IL1RAP: variants seen among roughly 807,000 people sequenced by gnomAD.
The protein encoded by IL1RAP is interleukin 1 receptor accessory protein.
IL1RAP carries 35 observed loss-of-function variants against 60.7 expected under a neutral mutation model. The observed-to-expected ratio is 0.58, with a 90% CI of 0.44 to 0.76. The LOEUF (loss-of-function observed/expected upper bound fraction) is 0.76. IL1RAP is among the 30% of genes least tolerant of loss of function. The pLI, the probability that IL1RAP is intolerant of heterozygous loss-of-function variation, is 0.00. For missense variants in IL1RAP, 572 were observed against 693.9 expected, an observed-to-expected ratio of 0.82 and a Z score of 1.97; for synonymous variants, 268 against 250.9, an observed-to-expected ratio of 1.07 and a Z score of -0.64.
In IL1RAP at chr3:190,542,344, G is replaced by A. The variant is rs147936130; in HGVS notation, c.-88-13786G>A. ...AATGAAGCTTTGCTATTTGATTGTCGTGATAGCTTGAGTTAGACACTTCAC... is the reference window on the plus strand; with the variant it reads ...AATGAAGCTTTGCTATTTGATTGTCATGATAGCTTGAGTTAGACACTTCAC... On this transcript the variant is annotated intron_variant, in intron 1 of 11. Transcript: ENST00000447382. Among the ~76,000 whole-genome samples, 32 of 152,232 alleles carry A rather than the reference G, an allele frequency of 2.1e-4. No homozygotes were observed. In the East Asian group the frequency reaches 5.4e-3, roughly 26 times the overall value.
At chr3:190,597,418 C>CAAG (rs1484105938) in intron 3 of IL1RAP, among the ~76,000 whole-genome samples, 1 of 152,172 alleles carries the variant, frequency 6.6e-6, no homozygotes, top group Non-Finnish European at 1.5e-5. Context: ...ATGTCACAGC[C>CAAG]GCTTGAAAGT....
chr3:190,559,091 T>A (rs780342848), intron 2 of IL1RAP, among the ~76,000 whole-genome samples: 6 of 152,292 alleles, frequency 3.9e-5, no homozygotes, highest in Non-Finnish European at 7.4e-5. Flanking sequence ...ATTCAGGTCG[T>A]CTGTTTCATC....
In IL1RAP at chr3:190,588,396, G is replaced by A. The variant is rs779806889; in HGVS notation, c.65-15732G>A. ...CAAAGTGCTGGGATTACAGGCGTGA[G>A]CCACCATGCCCGGCCTACATCTTTC... On this transcript the variant is annotated intron_variant, in intron 3 of 11. Coordinates refer to ENST00000447382, the MANE Select transcript of IL1RAP (RefSeq NM_002182.4). Among the ~76,000 whole-genome samples, 5 of 152,348 alleles carry A rather than the reference G, an allele frequency of 3.3e-5. No homozygotes were observed. In the East Asian group the frequency reaches 9.7e-4, roughly 29 times the overall value.
chr3:190,632,600 A>G (rs1345542566), intron 9 of IL1RAP, among the ~76,000 whole-genome samples: 4 of 152,216 alleles, frequency 2.6e-5, no homozygotes, highest in Non-Finnish European at 5.9e-5. Context: ...CTTTGATGGC[A>G]TTTATTGTAT....
intron 9 of IL1RAP, among the ~76,000 whole-genome samples, chr3:190,640,975 AT>A (rs200140131): frequency 0.016 from 2,443 of 151,844 alleles, 71 homozygotes; most frequent in African/African-American, 0.056. Context: ...TTTTATTTTT[AT>A]TTTTTTGAGA....
At chr3:190,541,837 A>G (rs974043401) in intron 1 of IL1RAP, among the ~76,000 whole-genome samples, 15 of 152,098 alleles carry the variant, frequency 9.9e-5, no homozygotes, top group African/African-American at 3.6e-4. Flanking sequence ...CCTATTCGAA[A>G]TGCCCATGAA....
chr3:190,631,524 T>C (rs982548143), intron 9 of IL1RAP, among the ~76,000 whole-genome samples: 2 of 152,192 alleles, frequency 1.3e-5, no homozygotes, highest in African/African-American at 4.8e-5. Context: ...AGTTGTGGTT[T>C]TCTTCACTTG....
intron 1 of IL1RAP, among the ~76,000 whole-genome samples, chr3:190,528,615 A>T (rs934624874): frequency 2.6e-5 from 4 of 152,238 alleles, no homozygotes; most frequent in Non-Finnish European, 5.9e-5. Flanking sequence ...TAGAGAATTA[A>T]AAAAGCAAAT....
intron 11 of IL1RAP, among the ~76,000 whole-genome samples, chr3:190,647,047 T>G (rs894385307): frequency 6.6e-6 from 1 of 152,246 alleles, no homozygotes; most frequent in African/African-American, 2.4e-5. Context: ...GGGTTGATAA[T>G]TCTTTGAAGA....
intron 9 of IL1RAP, among the ~76,000 whole-genome samples, chr3:190,630,539 A>G (rs570548309): frequency 6.6e-6 from 1 of 152,330 alleles, no homozygotes; most frequent in East Asian, 1.9e-4. Context: ...CTGATGAAAA[A>G]CAGGATTCAC....
In IL1RAP at chr3:190,627,453, T is replaced by C. The variant is rs1283338816; in HGVS notation, c.902+4T>C. ...TTGATGTCACCATTAACGAAAGGTA[T>C]CATGGGGGCCAGCAAGGGAGTGATT... On this transcript the variant is annotated splice_donor_region_variant and intron_variant, in intron 8 of 11. Transcript: ENST00000447382. 6.2e-7 allele frequency: 1 copy of C among 1,610,584 alleles called. No homozygotes were observed. Among genetic ancestry groups the C allele is most frequent in the African/African-American group, 1.3e-5 (1 of 74,684 alleles).
chr3:190,641,194 A>G (rs1484705968), intron 9 of IL1RAP, among the ~76,000 whole-genome samples: 1 of 152,082 alleles, frequency 6.6e-6, no homozygotes, highest in Non-Finnish European at 1.5e-5. Flanking sequence ...CAAACTCCCG[A>G]CCTCAGGTGA....
chr3:190,540,057 C>T (rs2108559551), intron 1 of IL1RAP, among the ~76,000 whole-genome samples: 1 of 152,118 alleles, frequency 6.6e-6, no homozygotes, highest in Non-Finnish European at 1.5e-5. Flanking sequence ...CCTTAAGTTG[C>T]TTACAATGAA....
chr3:190,613,223 G>A (rs112105150), intron 5 of IL1RAP, among the ~76,000 whole-genome samples: 10 of 152,306 alleles, frequency 6.6e-5, no homozygotes, highest in African/African-American at 2.4e-4. Context: ...TGGTTTTCAC[G>A]AAAGGATGAC....
At chr3:190,655,761 ATTC>A, downstream of IL1RAP, 2 of 675,948 alleles carry the variant, frequency 3.0e-6, no homozygotes, top group Non-Finnish European at 2.4e-6. Flanking sequence ...TGGGTAAATT[ATTC>A]AGCACTGAGA....
chr3:190,645,592 CTG>C, intron 10 of IL1RAP, 105 bp from the exon 11 acceptor site: 1 of 859,518 alleles, frequency 1.2e-6, no homozygotes, highest in South Asian at 1.7e-5. Flanking sequence ...GCACTGGAAT[CTG>C]TCACATAATG....
chr3:190,555,676 A>C (rs1296679778), intron 1 of IL1RAP, among the ~76,000 whole-genome samples: 2 of 152,144 alleles, frequency 1.3e-5, no homozygotes, highest in African/African-American at 4.8e-5. Flanking sequence ...TTTCATTGTT[A>C]TAATTAAAAG....
At chr3:190,589,306 C>A (rs559065952) in intron 3 of IL1RAP, among the ~76,000 whole-genome samples, 22 of 152,294 alleles carry the variant, frequency 1.4e-4, no homozygotes, top group African/African-American at 5.3e-4. Context: ...CTTCCTGTCA[C>A]CCCATCATAT....
chr3:190,611,266 A>G (rs1317468281), intron 5 of IL1RAP, among the ~76,000 whole-genome samples: 3 of 152,234 alleles, frequency 2.0e-5, no homozygotes, highest in Non-Finnish European at 4.4e-5. Flanking sequence ...AATATTACAT[A>G]TTGATTCATA....
Sources: allele counts gnomAD v4.1 joint callset (sites outside exome capture counted in the v4.1 genomes callset), GRCh38; gene constraint gnomAD v4.1.1; transcripts MANE v1.5; gene names NCBI Gene and HGNC (gene_info 2026-07-23, HGNC 2026-07-21).